Variants in EXOC4 observed in about 807,000 individuals in gnomAD.
The protein encoded by EXOC4 is exocyst complex component 4, also known as SEC8-like 1.
EXOC4 carries 71 observed loss-of-function variants against 107.2 expected under a neutral mutation model. The observed-to-expected ratio is 0.66, with a 90% CI of 0.55 to 0.81. The LOEUF (loss-of-function observed/expected upper bound fraction) is 0.81. Among genes scored for constraint, EXOC4 ranks in the 30% least tolerant of loss-of-function variants. The pLI is 0.00. For missense variants in EXOC4, 1,108 were observed against 1,189.6 expected (o/e 0.93, Z 1.01); for synonymous variants, 456 against 441.2 (o/e 1.03, Z -0.42).
intron 3 of EXOC4, among the ~76,000 whole-genome samples, chr7:133,304,419 T>A (rs1055726904): frequency 6.6e-6 from 1 of 152,322 alleles, no homozygotes; most frequent in Non-Finnish European, 1.5e-5. Context: ...AGCGTGAAAA[T>A]GAACTGGTAG....
At chr7:133,614,907 T>C (rs1419339165) in intron 9 of EXOC4, among the ~76,000 whole-genome samples, 1 of 150,896 alleles carries the variant, frequency 6.6e-6, no homozygotes, top group Non-Finnish European at 1.5e-5. Flanking sequence ...AAAAGACAAC[T>C]TGATGGTGTT....
At chr7:133,610,463 A>G (rs983371109) in intron 9 of EXOC4, among the ~76,000 whole-genome samples, 1 of 152,160 alleles carries the variant, frequency 6.6e-6, no homozygotes, top group Non-Finnish European at 1.5e-5. Context: ...TGCCTTCTTG[A>G]AAGTTCCAAC....
At chr7:133,806,329 T>C (rs561156942) in intron 10 of EXOC4, among the ~76,000 whole-genome samples, 2 of 152,172 alleles carry the variant, frequency 1.3e-5, no homozygotes, top group Admixed American at 6.5e-5. Flanking sequence ...GAGGAGAGAA[T>C]TGAAATGATA....
intron 6 of EXOC4, among the ~76,000 whole-genome samples, chr7:133,359,947 A>G (rs942030710): frequency 1.3e-5 from 2 of 152,228 alleles, no homozygotes; most frequent in Non-Finnish European, 2.9e-5. Context: ...TTCATAATCT[A>G]TCAGTGTCTT....
At chr7:133,866,477 T>C (rs577734719) in intron 11 of EXOC4, among the ~76,000 whole-genome samples, 2 of 152,280 alleles carry the variant, frequency 1.3e-5, no homozygotes, top group Admixed American at 6.5e-5. Context: ...TAGCAAGAGA[T>C]AATGTAGCTA....
At chr7:134,064,189 T>C in intron 17 of EXOC4, 102 bp from the exon 18 acceptor site, 1 of 684,162 alleles carries the variant, frequency 1.5e-6, no homozygotes, top group Non-Finnish European at 2.3e-6. Context: ...TCAATCGTTA[T>C]GAAGTAAGTA....
At chr7:133,456,800 G>A (rs905227038) in intron 7 of EXOC4, among the ~76,000 whole-genome samples, 2 of 152,148 alleles carry the variant, frequency 1.3e-5, no homozygotes, top group African/African-American at 4.8e-5. Flanking sequence ...GTGGTGTGTA[G>A]CACACAGAAA....
chr7:133,288,861 A>T, intron 2 of EXOC4, 61 bp from the exon 3 acceptor site: 1 of 1,429,858 alleles, frequency 7.0e-7, no homozygotes, highest in Non-Finnish European at 9.8e-7. Context: ...TACTAACCAG[A>T]TTATAGGTTT....
At chr7:133,334,035 A>G (rs1302044767) in intron 5 of EXOC4, among the ~76,000 whole-genome samples, 1 of 151,852 alleles carries the variant, frequency 6.6e-6, no homozygotes, top group Non-Finnish European at 1.5e-5. Context: ...ACCCCAACCC[A>G]CTCACTTATG....
chr7:133,933,790 A>G (rs1006958554), intron 13 of EXOC4, among the ~76,000 whole-genome samples: 9 of 152,248 alleles, frequency 5.9e-5, no homozygotes, highest in African/African-American at 1.9e-4. Context: ...CTAATACCCA[A>G]TGTCCTCCAG....
downstream of EXOC4, among the ~76,000 whole-genome samples, chr7:134,070,792 A>ATT (rs55944102): frequency 6.6e-6 from 1 of 150,552 alleles, no homozygotes; most frequent in South Asian, 2.1e-4. Flanking sequence ...AAAAAAAATA[A>ATT]AAGGAACTTA....
chr7:133,897,496 A>G (rs1259098797), intron 12 of EXOC4, among the ~76,000 whole-genome samples: 1 of 152,172 alleles, frequency 6.6e-6, no homozygotes, highest in Admixed American at 6.5e-5. Flanking sequence ...TTTTGTAAAA[A>G]GCTACAATGG....
intron 11 of EXOC4, among the ~76,000 whole-genome samples, chr7:133,837,171 A>G (rs557281965): frequency 1.3e-5 from 2 of 152,360 alleles, no homozygotes; most frequent in African/African-American, 4.8e-5. Context: ...TTGAATGCCT[A>G]CTATGTGCCA....
chr7:133,857,147 CGTATATATATATATAT>C (rs1369670358), intron 11 of EXOC4, among the ~76,000 whole-genome samples: 4 of 19,108 alleles, frequency 2.1e-4, no homozygotes, highest in South Asian at 1.7e-3. Flanking sequence ...TACACATACA[CGTATATATATATATAT>C]ATATATATAT....
intron 9 of EXOC4, among the ~76,000 whole-genome samples, chr7:133,566,163 A>G (rs1205682456): frequency 6.6e-6 from 1 of 152,174 alleles, no homozygotes; most frequent in Admixed American, 6.5e-5. Context: ...ACCTTCATGA[A>G]TTTCAAATTT....
intron 7 of EXOC4, among the ~76,000 whole-genome samples, chr7:133,413,615 C>T (rs1797410458): frequency 6.6e-6 from 1 of 152,082 alleles, no homozygotes; most frequent in African/African-American, 2.4e-5. Flanking sequence ...CCTCAGATTC[C>T]TTTTGGGGAC....
At chr7:133,533,671 C>T (rs1311804831) in intron 9 of EXOC4, among the ~76,000 whole-genome samples, 1 of 152,084 alleles carries the variant, frequency 6.6e-6, no homozygotes, top group Non-Finnish European at 1.5e-5. Context: ...CTTTAAAAAG[C>T]TAGGGTAGTG....
intron 10 of EXOC4, among the ~76,000 whole-genome samples, chr7:133,794,542 T>TA (rs1796773494): frequency 6.6e-6 from 1 of 152,226 alleles, no homozygotes; most frequent in Non-Finnish European, 1.5e-5. Context: ...GAACTTTAGT[T>TA]ACTAGGCTAT....
At chr7:133,907,627 T>G (rs1347683075) in intron 12 of EXOC4, among the ~76,000 whole-genome samples, 1 of 152,136 alleles carries the variant, frequency 6.6e-6, no homozygotes, top group East Asian at 1.9e-4. Flanking sequence ...CACCTTGAGG[T>G]CAGGATTTCG....
Sources: gnomAD v4.1 joint callset for allele counts (sites outside exome capture counted in the v4.1 genomes callset) on GRCh38, gnomAD v4.1.1 for gene constraint, MANE v1.5 for transcripts, NCBI Gene and HGNC (gene_info 2026-07-23, HGNC 2026-07-21) for gene names.